Variants in ATP13A4 observed in about 807,000 individuals in gnomAD.
ATP13A4 encodes probable cation-transporting ATPase 13A4.
A neutral mutation model predicts 142.5 loss-of-function variants in ATP13A4; 114 were observed. That is an observed-to-expected ratio of 0.80 (90% CI 0.69 to 0.93). The LOEUF (loss-of-function observed/expected upper bound fraction) is 0.93. ATP13A4 is among the 40% of genes least tolerant of loss of function. The pLI, the probability that ATP13A4 is intolerant of heterozygous loss-of-function variation, is 0.00. For synonymous variants in ATP13A4, 488 were observed against 514.8 expected, an observed-to-expected ratio of 0.95 and a Z score of 0.70; for missense variants, 1,392 against 1,454.0, an observed-to-expected ratio of 0.96 and a Z score of 0.69.
intron 17 of ATP13A4, 30 bp downstream of exon 17, chr3:193,454,071 T>C: frequency 1.9e-6 from 3 of 1,556,370 alleles, no homozygotes; most frequent in Non-Finnish European, 2.7e-6. Flanking sequence ...CATCAAACCT[T>C]TCTGCTTTAT....
chr3:193,533,840 C>G (rs1408192032), intron 1 of ATP13A4, among the ~76,000 whole-genome samples: 1 of 152,156 alleles, frequency 6.6e-6, no homozygotes, highest in Admixed American at 6.5e-5. Context: ...ATTTTCATCC[C>G]TACCAAATGG....
At chr3:193,442,705 T>C in intron 18 of ATP13A4, 149 bp from the exon 19 acceptor site, 1 of 774,456 alleles carries the variant, frequency 1.3e-6, no homozygotes, top group Non-Finnish European at 2.1e-6. Context: ...TGACCTTCTG[T>C]GACTCCATGA....
intron 2 of ATP13A4, among the ~76,000 whole-genome samples, chr3:193,581,477 T>C (rs992241120): frequency 5.3e-5 from 8 of 152,202 alleles, no homozygotes; most frequent in East Asian, 3.9e-4. Context: ...CCTCATTATA[T>C]GTATAGCGTT....
intron 8 of ATP13A4, among the ~76,000 whole-genome samples, chr3:193,481,949 GT>G (rs1342694649): frequency 6.6e-6 from 1 of 152,050 alleles, no homozygotes; most frequent in Non-Finnish European, 1.5e-5. Flanking sequence ...AAATTGACAG[GT>G]TGTGTTCAAA....
intron 1 of ATP13A4, among the ~76,000 whole-genome samples, chr3:193,521,292 TGAA>T (rs1721701224): frequency 6.6e-6 from 1 of 152,154 alleles, no homozygotes; most frequent in African/African-American, 2.4e-5. Context: ...TTTCAAATGA[TGAA>T]GATCTCCTAC....
At chr3:193,572,743 T>C (rs1724295699) in intron 2 of ATP13A4, among the ~76,000 whole-genome samples, 1 of 152,046 alleles carries the variant, frequency 6.6e-6, no homozygotes, top group South Asian at 2.1e-4. Context: ...GAGTGGTCCC[T>C]GAAGACGTTA....
chr3:193,566,502 A>G (rs1404918696), intron 2 of ATP13A4, among the ~76,000 whole-genome samples: 1 of 151,806 alleles, frequency 6.6e-6, no homozygotes, highest in African/African-American at 2.4e-5. Context: ...GGGCCTCTCA[A>G]CCCCTGGAAC....
intron 1 of ATP13A4, among the ~76,000 whole-genome samples, chr3:193,528,720 T>A (rs1051893683): frequency 2.0e-5 from 3 of 152,122 alleles, no homozygotes; most frequent in Non-Finnish European, 4.4e-5. Context: ...GCATGCACAT[T>A]TTACTAATCA....
At chr3:193,480,674 T>G (rs1577007789) in intron 8 of ATP13A4, among the ~76,000 whole-genome samples, 1 of 152,326 alleles carries the variant, frequency 6.6e-6, no homozygotes, top group South Asian at 2.1e-4. Context: ...TTTACACTGT[T>G]GGTGGGAATG....
rs140732633 is a variant in ATP13A4 at position 193,448,811 on chromosome 3, G to C, written c.2028-481C>G. ...TGTTTAACTCTAACTGAATGAAGAG[G>C]AAGAGGAAGAGAGTGTTCATTAAGC... is the stretch of plus-strand genomic sequence containing the variant. On this transcript the variant is annotated intron_variant, in intron 17 of 29. Coordinates refer to ENST00000342695, the MANE Select transcript of ATP13A4 (RefSeq NM_032279.4). 3.2e-3 allele frequency among the ~76,000 whole-genome samples: 495 copies of C among 152,308 alleles called. 4 individuals are homozygous for C. The highest frequency in any genetic ancestry group is 0.02 in the Middle Eastern group (6 of 294).
upstream of ATP13A4, chr3:193,555,228 G>A (rs936833904): frequency 4.0e-5 from 12 of 303,510 alleles, no homozygotes; most frequent in Non-Finnish European, 7.1e-5. Flanking sequence ...GAACTCCCAG[G>A]TCACTGCTTT....
chr3:193,570,711 C>G (rs538110992), intron 2 of ATP13A4, among the ~76,000 whole-genome samples: 1 of 152,256 alleles, frequency 6.6e-6, no homozygotes, highest in East Asian at 1.9e-4. Flanking sequence ...AGCGGTGAAA[C>G]CCACAGGCTC....
chr3:193,450,049 G>A (rs1717185181), intron 17 of ATP13A4, among the ~76,000 whole-genome samples: 1 of 151,542 alleles, frequency 6.6e-6, no homozygotes, highest in Admixed American at 6.6e-5. Context: ...AAGCCAGGAG[G>A]TGGAGTGAGC....
At chr3:193,484,620 G>A (rs1467833133) in intron 7 of ATP13A4, among the ~76,000 whole-genome samples, 1 of 152,002 alleles carries the variant, frequency 6.6e-6, no homozygotes, top group Admixed American at 6.6e-5. Context: ...AATTATTTGC[G>A]AATCTGATAA....
At chr3:193,475,370 G>A (rs552206618) in intron 8 of ATP13A4, among the ~76,000 whole-genome samples, 8 of 152,036 alleles carry the variant, frequency 5.3e-5, no homozygotes, top group Middle Eastern at 3.4e-3. Flanking sequence ...ACATAGTTAC[G>A]TATGTAAAAT....
intron 19 of ATP13A4, among the ~76,000 whole-genome samples, chr3:193,441,926 T>C (rs538525973): frequency 6.6e-6 from 1 of 152,346 alleles, no homozygotes; most frequent in African/African-American, 2.4e-5. Context: ...TATTTTTTTG[T>C]CCTTAGGGAA....
At chr3:193,419,595 A>C (rs1375722094) in intron 25 of ATP13A4, among the ~76,000 whole-genome samples, 1 of 141,178 alleles carries the variant, frequency 7.1e-6, no homozygotes, top group Non-Finnish European at 1.5e-5. Flanking sequence ...GAGCTAAAGC[A>C]GTGCACTGCC....
Position 193,513,326 on chromosome 3 carries a change from T to C in ATP13A4, c.234+1372A>G, listed in dbSNP as rs118003128. The stretch of plus-strand genomic sequence containing the variant: ...TACTGCATTAAATAGAATATGTATC[T>C]AGAGAGATTGTAATATATAAAAGGA... On this transcript the variant is annotated intron_variant, in intron 2 of 29. Transcript: ENST00000342695. Among the ~76,000 whole-genome samples the C allele has an allele frequency of 2.8e-3, 421 of 152,318 alleles. 7 individuals are homozygous for C. The highest frequency in any genetic ancestry group is 0.022 in the East Asian group (114 of 5,186).
chr3:193,578,736 C>G lies in ATP13A4; in HGVS notation n.291+2971G>C, dbSNP rs543349299. The G allele has an allele frequency of 7.7e-4, 117 of 152,912 alleles. 4 individuals are homozygous for G. In the South Asian group the frequency reaches 0.023, roughly 30 times the overall value. 9.5% of individuals were successfully genotyped at this position (152,912 alleles called of 1,614,324 possible). On this transcript the variant is annotated intron_variant and non_coding_transcript_variant, in intron 2 of 3. Transcript: ENST00000489140. ...CCTCTGTCTGTCTGTCTGTCTGTCT[C>G]TCTCTCTTTCTTCCTCTCCCTCTTT...
Sources: allele counts gnomAD v4.1 joint callset (sites outside exome capture counted in the v4.1 genomes callset), GRCh38; gene constraint gnomAD v4.1.1; transcripts MANE v1.5; gene names NCBI Gene and HGNC (gene_info 2026-07-23, HGNC 2026-07-21).